The following ROBO2 variants were observed in gnomAD, a reference collection of about 807,000 sequenced individuals.
The protein encoded by ROBO2 is roundabout homolog 2.
ROBO2 carries 53 observed loss-of-function variants against 160.8 expected under a neutral mutation model. The observed-to-expected ratio is 0.33, with a 90% CI of 0.26 to 0.41. The LOEUF is 0.41. ROBO2 is among the 10% of genes least tolerant of loss of function. The pLI, the probability that ROBO2 is intolerant of heterozygous loss-of-function variation, is 1.00. For synonymous variants in ROBO2, 664 were observed against 611.7 expected, an observed-to-expected ratio of 1.09 and a Z score of -1.26; for missense variants, 1,577 against 1,722.4, an observed-to-expected ratio of 0.92 and a Z score of 1.49.
chr3:76,207,710 T>C (rs977581736), intron 2 of ROBO2, among the ~76,000 whole-genome samples: 2 of 152,200 alleles, frequency 1.3e-5, no homozygotes, highest in Non-Finnish European at 2.9e-5. Context: ...GAATTTGTGC[T>C]GTAACAGAAG....
intron 2 of ROBO2, among the ~76,000 whole-genome samples, chr3:77,448,771 G>A (rs921856634): frequency 1.3e-5 from 2 of 151,732 alleles, no homozygotes; most frequent in African/African-American, 2.4e-5. Flanking sequence ...TTGCCTGTAA[G>A]AGTCACCTCC....
chr3:77,611,285 G>A lies in ROBO2; in HGVS notation c.3293+3331G>A, dbSNP rs549475031. 8.7e-5 allele frequency among the ~76,000 whole-genome samples: 12 copies of A among 138,542 alleles called. No homozygotes were observed. The South Asian group carries it at 1.5e-3, about 17-fold the overall frequency. 90.9% of individuals were successfully genotyped at this position (138,542 alleles called of 152,430 possible). A position where few individuals can be genotyped will look rare whatever the true frequency, so the allele number is the denominator to read the frequency against. ...TGCACTCCAGCCTGGGCGACAGAGC[G>A]AGACTCTGTCTCAAAAAAAAAAAAA... is the stretch of plus-strand genomic sequence containing the variant. On this transcript the variant is annotated intron_variant, in intron 21 of 25. Transcript: ENST00000461745.
chr3:76,278,566 T>C (rs1350836665), intron 2 of ROBO2, among the ~76,000 whole-genome samples: 1 of 152,014 alleles, frequency 6.6e-6, no homozygotes, highest in Non-Finnish European at 1.5e-5. Flanking sequence ...TCAATAAAAA[T>C]AACAGAACAC....
At chr3:76,874,011 A>G (rs1284608525) in intron 2 of ROBO2, among the ~76,000 whole-genome samples, 6 of 152,202 alleles carry the variant, frequency 3.9e-5, no homozygotes, top group African/African-American at 1.2e-4. Context: ...GAAGCATAAC[A>G]GAAGTAGGCT....
At chr3:76,456,282 A>T (rs1412240345) in intron 2 of ROBO2, among the ~76,000 whole-genome samples, 6 of 152,182 alleles carry the variant, frequency 3.9e-5, no homozygotes, top group Admixed American at 3.9e-4. Flanking sequence ...AGTTACATTG[A>T]TTTTGATAAA....
intron 1 of ROBO2, among the ~76,000 whole-genome samples, chr3:75,911,827 A>AT (rs1946605720): frequency 6.6e-6 from 1 of 151,926 alleles, no homozygotes; most frequent in Non-Finnish European, 1.5e-5. Context: ...AAGTGCTGGG[A>AT]TTACAGGCGT....
intron 2 of ROBO2, among the ~76,000 whole-genome samples, chr3:76,973,711 A>G (rs2059681604): frequency 6.6e-6 from 1 of 152,194 alleles, no homozygotes; most frequent in Admixed American, 6.5e-5. Context: ...TGTAATAATG[A>G]ACATTTACTA....
At chr3:77,476,156 G>A (rs2083968612) in intron 2 of ROBO2, among the ~76,000 whole-genome samples, 1 of 152,112 alleles carries the variant, frequency 6.6e-6, no homozygotes, top group African/African-American at 2.4e-5. Flanking sequence ...CTCTTTTAAG[G>A]ACAGGGTTTT....
chr3:76,281,167 T>TCCACATGTGGGAATACTACCAATTC (rs1304981525), intron 2 of ROBO2, among the ~76,000 whole-genome samples: 1 of 151,514 alleles, frequency 6.6e-6, no homozygotes, highest in African/African-American at 2.4e-5. Flanking sequence ...GCTATGCCAA[T>TCCACATGTGGGAATACTACCAATTC]CCACATGTGG....
intron 6 of ROBO2, among the ~76,000 whole-genome samples, chr3:77,543,557 G>T (rs1330583075): frequency 6.6e-6 from 1 of 152,076 alleles, no homozygotes; most frequent in Admixed American, 6.6e-5. Flanking sequence ...TGTTTCAAAA[G>T]TTTGAAAATT....
chr3:76,733,016 G>T (rs1377209249), intron 2 of ROBO2, among the ~76,000 whole-genome samples: 1 of 151,306 alleles, frequency 6.6e-6, no homozygotes, highest in African/African-American at 2.4e-5. Context: ...GTGTTTCTCA[G>T]GTAACTAGAG....
At chr3:75,966,719 A>C (rs892459162) in intron 2 of ROBO2, among the ~76,000 whole-genome samples, 22 of 151,680 alleles carry the variant, frequency 1.5e-4, no homozygotes, top group African/African-American at 4.4e-4. Context: ...CAGGCATTCA[A>C]GTATTAGTGC....
chr3:77,424,468 T>C (rs1352241848), intron 2 of ROBO2, among the ~76,000 whole-genome samples: 2 of 152,194 alleles, frequency 1.3e-5, no homozygotes, highest in Non-Finnish European at 2.9e-5. Flanking sequence ...ATATGTGAAA[T>C]TCTGGAGACT....
At chr3:77,191,122 T>G (rs1227990126) in intron 2 of ROBO2, among the ~76,000 whole-genome samples, 1 of 152,146 alleles carries the variant, frequency 6.6e-6, no homozygotes, top group African/African-American at 2.4e-5. Context: ...GGGATATTTA[T>G]CTAAGTTCTT....
In ROBO2 at chr3:77,135,076, C is replaced by T. The variant is rs1210308637; in HGVS notation, c.388+36736C>T. On this transcript the variant is annotated intron_variant, in intron 2 of 25. Coordinates refer to ENST00000461745, the Ensembl canonical transcript of ROBO2. ...TGACAGCTGTGGAATTGAGTGTTTC[C>T]GTAGATCAGCCTAGAAGCCCGTATA... Among the ~76,000 whole-genome samples the T allele has an allele frequency of 2.6e-5, 4 of 152,086 alleles. No individual in the cohort carries two copies. The East Asian group carries it at 7.7e-4, about 29-fold the overall frequency.
intron 2 of ROBO2, among the ~76,000 whole-genome samples, chr3:76,617,486 T>C (rs2088685208): frequency 6.6e-6 from 1 of 152,232 alleles, no homozygotes; most frequent in South Asian, 2.1e-4. Context: ...GTTGTTACTG[T>C]TACAATGGTA....
At chr3:76,455,724 G>A (rs1347807614) in intron 2 of ROBO2, among the ~76,000 whole-genome samples, 1 of 152,034 alleles carries the variant, frequency 6.6e-6, no homozygotes, top group Admixed American at 6.6e-5. Context: ...TTCAGGGGAA[G>A]GGAAAAATAA....
upstream of ROBO2, among the ~76,000 whole-genome samples, chr3:77,035,687 C>T (rs2063591672): frequency 6.6e-6 from 1 of 151,822 alleles, no homozygotes; most frequent in Non-Finnish European, 1.5e-5. Context: ...ATACTTAGAA[C>T]ATATTTCAGA....
intron 2 of ROBO2, among the ~76,000 whole-genome samples, chr3:76,660,368 A>T (rs1160422207): frequency 6.6e-6 from 1 of 152,158 alleles, no homozygotes; most frequent in Non-Finnish European, 1.5e-5. Context: ...AGTGAATTGA[A>T]AGATTAGTAT....
Sources: gnomAD v4.1 joint callset for allele counts (sites outside exome capture counted in the v4.1 genomes callset) on GRCh38, gnomAD v4.1.1 for gene constraint, MANE v1.5 for transcripts, NCBI Gene and HGNC (gene_info 2026-07-23, HGNC 2026-07-21) for gene names.